The following SAMSN1 variants were observed in gnomAD, a reference collection of about 807,000 sequenced individuals.
SAMSN1 encodes the protein SAM domain, SH3 domain and nuclear localization signals 1.
In SAMSN1, 31 loss-of-function variants were observed where a neutral mutation model predicts 42.0. That is an observed-to-expected ratio of 0.74 (90% CI 0.55 to 1.00). The LOEUF is 1.00. SAMSN1 is among the 50% of genes least tolerant of loss of function. SAMSN1 has a pLI of 0.00. For missense variants in SAMSN1, 464 were observed against 439.4 expected (o/e 1.06, Z -0.50); for synonymous variants, 178 against 151.9 (o/e 1.17, Z -1.26).
chr21:14,618,118 A>T (rs540033833), intron 2 of SAMSN1, among the ~76,000 whole-genome samples: 29 of 152,332 alleles, frequency 1.9e-4, no homozygotes, highest in Middle Eastern at 6.8e-3. Context: ...GGGACTATCC[A>T]CTTTGTTCTG....
At chr21:14,627,395 C>T (rs1361349482) in intron 2 of SAMSN1, among the ~76,000 whole-genome samples, 1 of 152,152 alleles carries the variant, frequency 6.6e-6, no homozygotes, top group Non-Finnish European at 1.5e-5. Flanking sequence ...CAAAATTTTT[C>T]ACCAAATTTT....
rs1253970138 is a variant in SAMSN1 at position 14,577,275 on chromosome 21, TATATATA to T, written c.261+4854_261+4860del. On this transcript the variant is annotated intron_variant, in intron 2 of 8. Coordinates refer to the SAMSN1 transcript ENST00000285670. ...ATATATATATATATATATATATATA[TATATATA>T]TATTTTTTTTTTAGAAGAGACAGGG... Among the ~76,000 whole-genome samples, 63 of 54,156 alleles carry T rather than the reference TATATATA, an allele frequency of 1.2e-3. 5 individuals carry two copies. Among genetic ancestry groups the T allele is most frequent in the Middle Eastern group, 6.7e-3 (1 of 150 alleles). The allele number at this position is 54,156 out of a possible 152,430, so 35.5% of individuals were successfully genotyped here.
chr21:14,610,876 T>C lies in SAMSN1; in HGVS notation c.236-1308A>G, dbSNP rs896234398. 2.6e-5 allele frequency among the ~76,000 whole-genome samples: 4 copies of C among 152,220 alleles called. No individual in the cohort carries two copies. In the East Asian group the frequency reaches 7.7e-4, roughly 29 times the overall value. On this transcript the variant is annotated intron_variant, in intron 4 of 15. Coordinates refer to the SAMSN1 transcript ENST00000647101. ...AGAATGCTGTTACTTTAACGTCTCT[T>C]GATAGCTTATGATTGCATTATTCTT...
chr21:14,550,718 A>G (rs2822767), upstream of SAMSN1, among the ~76,000 whole-genome samples: 81,652 of 151,794 alleles, frequency 0.54, 22,443 homozygotes, highest in East Asian at 0.79. Context: ...GGGAGAATCT[A>G]AATTCATTTT....
In SAMSN1 at chr21:14,501,012, A is replaced by AT. The variant is rs977165827; in HGVS notation, c.562-278dup. Among the ~76,000 whole-genome samples, 4 of 152,028 alleles carry AT rather than the reference A, an allele frequency of 2.6e-5. No homozygotes were observed. In the East Asian group the frequency reaches 7.7e-4, roughly 29 times the overall value. ...GACAAAGTGAGATCCCATCTCTACA[A>AT]TTTTTTTCTTTTAATTAGCCTGGCG... On this transcript the variant is annotated intron_variant, in intron 5 of 7. Transcript: ENST00000400566.
chr21:14,513,343 A>G (rs980922005), intron 3 of SAMSN1, among the ~76,000 whole-genome samples: 5 of 152,194 alleles, frequency 3.3e-5, no homozygotes, highest in Non-Finnish European at 7.3e-5. Context: ...ACTCAGTTTG[A>G]TTCTCCACTT....
intron 2 of SAMSN1, among the ~76,000 whole-genome samples, chr21:14,517,553 G>A (rs1053274328): frequency 2.6e-5 from 4 of 152,140 alleles, no homozygotes; most frequent in Non-Finnish European, 1.5e-5. Flanking sequence ...AATCCACTGA[G>A]AAATGTTAGA....
At chr21:14,577,266 ATATATATATATATATATAT>A (rs1232379897) in intron 2 of SAMSN1, among the ~76,000 whole-genome samples, 3 of 47,946 alleles carry the variant, frequency 6.3e-5, no homozygotes, top group South Asian at 7.1e-4. Flanking sequence ...ATATATATAT[ATATATATATATATATATAT>A]TTTTTTTTTA....
chr21:14,607,672 C>T (rs994791417), intron 5 of SAMSN1, among the ~76,000 whole-genome samples: 7 of 152,188 alleles, frequency 4.6e-5, no homozygotes, highest in Admixed American at 3.9e-4. Flanking sequence ...CATCTAAGGT[C>T]AGGATTCTTT....
intron 7 of SAMSN1, chr21:14,591,279 T>G (rs967359073): frequency 2.6e-5 from 4 of 152,152 alleles, no homozygotes; most frequent in African/African-American, 9.7e-5. Flanking sequence ...TCAAATATAT[T>G]CTCCTGGAAG....
intron 1 of SAMSN1, among the ~76,000 whole-genome samples, chr21:14,529,821 G>C (rs1164563907): frequency 6.6e-6 from 1 of 152,056 alleles, no homozygotes; most frequent in Non-Finnish European, 1.5e-5. Flanking sequence ...CATTTGTATT[G>C]ACTACTTAGT....
At chr21:14,595,673 A>C (rs1299119851) in intron 6 of SAMSN1, among the ~76,000 whole-genome samples, 1 of 152,174 alleles carries the variant, frequency 6.6e-6, no homozygotes, top group Non-Finnish European at 1.5e-5. Context: ...CAGAGAGTTT[A>C]AGCAACAAGT....
At position 14,646,002 on chromosome 21, in the gene SAMSN1, G is replaced by A. The variant is rs116767801; in HGVS notation, c.25-2869C>T. On this transcript the variant is annotated intron_variant, in intron 1 of 15. Transcript: ENST00000647101. Reference sequence around the variant, plus strand: ...AAAAAAGAACAAAAAACAACGTAGCGCAACTACAGGATCTAGAAAATTGCC... The same window carrying A: ...AAAAAAGAACAAAAAACAACGTAGCACAACTACAGGATCTAGAAAATTGCC... Among the ~76,000 whole-genome samples, 1,052 of 152,132 alleles carry A rather than the reference G, an allele frequency of 6.9e-3. 17 individuals carry two copies. The highest frequency in any genetic ancestry group is 0.024 in the African/African-American group (993 of 41,504).
chr21:14,545,277 A>C (rs926579487), intron 1 of SAMSN1, among the ~76,000 whole-genome samples: 1 of 152,134 alleles, frequency 6.6e-6, no homozygotes, highest in Non-Finnish European at 1.5e-5. Context: ...GGTCATAACA[A>C]ATGAAATAAA....
chr21:14,582,606 C>A, intron 1 of SAMSN1: 1 of 425,742 alleles, frequency 2.3e-6, no homozygotes, highest in Non-Finnish European at 4.2e-6. Flanking sequence ...AGAAGTCATT[C>A]AATTTTATAA....
rs67327647 is a variant in SAMSN1, at chr21:14,545,548, A to T, written c.57+657T>A. Among the ~76,000 whole-genome samples the T allele has an allele frequency of 4.0e-3, 323 of 80,100 alleles. 2 individuals are homozygous for T. Among genetic ancestry groups the T allele is most frequent in the Middle Eastern group, 0.015 (2 of 130 alleles). 52.5% of individuals were successfully genotyped at this position (80,100 alleles called of 152,430 possible). On this transcript the variant is annotated intron_variant, in intron 1 of 7. Transcript: ENST00000400566. ...ATCCCATGTTATACTTTTTTTTTTTAAAAGTAGCACTTATTGCCAAGACAA... is the reference window on the plus strand; with the variant it reads ...ATCCCATGTTATACTTTTTTTTTTTTAAAGTAGCACTTATTGCCAAGACAA...
rs575610384 is a variant in SAMSN1, at chr21:14,600,566, T to C, written c.399+1457A>G. On this transcript the variant is annotated intron_variant, in intron 6 of 15. Transcript: ENST00000647101. ...TGCCCAATTTTAACCTTCAGAAGCA[T>C]TGTTGTTAGGGTAAAGATTTATCTT... 2.0e-4 allele frequency among the ~76,000 whole-genome samples: 30 copies of C among 152,286 alleles called. No individual in the cohort carries two copies. In the South Asian group the frequency reaches 6.0e-3, roughly 30 times the overall value.
At chr21:14,504,939 T>C (rs1193592212) in intron 5 of SAMSN1, among the ~76,000 whole-genome samples, 1 of 152,244 alleles carries the variant, frequency 6.6e-6, no homozygotes, top group African/African-American at 2.4e-5. Flanking sequence ...ATTGGGACCC[T>C]GTCTTCAGCC....
At position 14,572,165 on chromosome 21, in the gene SAMSN1, A is replaced by C. The variant is rs28503970; in HGVS notation, c.261+9971T>G. 3.3e-3 allele frequency among the ~76,000 whole-genome samples: 505 copies of C among 152,330 alleles called. 2 individuals carry two copies. Among genetic ancestry groups the C allele is most frequent in the African/African-American group, 0.012 (489 of 41,578 alleles). ...AAACATATAATAATAAATTATAATT[A>C]AATGATAAAAATTTCCCTTGAAAAT... On this transcript the variant is annotated intron_variant, in intron 2 of 8. Coordinates refer to the SAMSN1 transcript ENST00000285670.
Sources: allele counts gnomAD v4.1 joint callset (sites outside exome capture counted in the v4.1 genomes callset), GRCh38; gene constraint gnomAD v4.1.1; transcripts MANE v1.5; gene names NCBI Gene and HGNC (gene_info 2026-07-23, HGNC 2026-07-21).